The following TMEM222 variants were observed in gnomAD, a reference collection of about 807,000 sequenced individuals.
The protein encoded by TMEM222 is transmembrane protein 222, also known as chromosome 1 open reading frame 160.
In TMEM222, 18 loss-of-function variants were observed where a neutral mutation model predicts 25.1. The ratio of observed to expected loss-of-function variants is 0.72; its 90% CI spans 0.50 to 1.06. The LOEUF is 1.06. Ranked by LOEUF, TMEM222 falls within the 50% of genes least tolerant of loss-of-function variation. TMEM222 has a pLI of 0.00. For synonymous variants in TMEM222, 131 were observed against 117.9 expected (o/e 1.11, Z -0.72); for missense variants, 296 against 293.7 (o/e 1.01, Z -0.06).
At chr1:27,326,296 G>A (rs2014348364) in intron 1 of TMEM222, among the ~76,000 whole-genome samples, 1 of 152,202 alleles carries the variant, frequency 6.6e-6, no homozygotes, top group African/African-American at 2.4e-5. Flanking sequence ...CTTAGCTGAT[G>A]TTTTCCTGCC....
intron 1 of TMEM222, among the ~76,000 whole-genome samples, chr1:27,323,195 G>A (rs1214742422): frequency 6.6e-6 from 1 of 152,210 alleles, no homozygotes; most frequent in Non-Finnish European, 1.5e-5. Context: ...TGAGCTGCTT[G>A]TAGCATTAAG....
intron 1 of TMEM222, among the ~76,000 whole-genome samples, chr1:27,326,433 G>C (rs2014352682): frequency 6.6e-6 from 1 of 152,076 alleles, no homozygotes; most frequent in Admixed American, 6.6e-5. Context: ...TTAAGGAGAT[G>C]AGAACAGATT....
chr1:27,333,911 G>C, intron 3 of TMEM222, 47 bp from the exon 4 acceptor site: 1 of 1,570,738 alleles, frequency 6.4e-7, no homozygotes, highest in Non-Finnish European at 8.7e-7. Flanking sequence ...TAGAGCTGAG[G>C]GCACAAAGGA....
Position 27,322,246 on chromosome 1 carries a change from C to A in TMEM222, c.49C>A (p.Pro17Thr). The A allele has an allele frequency of 2.7e-6, 4 of 1,488,034 alleles. No individual in the cohort carries two copies. Among genetic ancestry groups the A allele is most frequent in the Non-Finnish European group, 3.6e-6 (4 of 1,114,030 alleles). 92.2% of individuals were successfully genotyped at this position (1,488,034 alleles called of 1,614,324 possible). Residue 17 changes from proline to threonine, a missense_variant, in exon 1 of 6, where the codon CCC becomes ACC. By Grantham distance (38) the Pro-to-Thr change is conservative (BLOSUM62 -1). Coordinates refer to ENST00000374076, the MANE Select transcript of TMEM222 (RefSeq NM_032125.3). ...SSLLLLPPPPPPPRMAEVEAP... is the reference protein window; with the variant it reads ...SSLLLLPPPPTPPRMAEVEAP... ...TCTGCTCTTGTTGCCGCCGCCGCCA[C>A]CCCCGCCCAGGATGGCGGAAGTGGA...
chr1:27,333,504 T>TGCACCCAG (rs2014531120), intron 3 of TMEM222: 1 of 458,542 alleles, frequency 2.2e-6, no homozygotes, highest in African/African-American at 2.0e-5. Context: ...GTGCGGGTGC[T>TGCACCCAG]GGTAGAGTCA....
At chr1:27,333,409 CTGCCA>C (rs763135886) in intron 3 of TMEM222, 110 of 471,106 alleles carry the variant, frequency 2.3e-4, no homozygotes, top group Non-Finnish European at 4.3e-4. Context: ...TCCGTTCTGG[CTGCCA>C]TAACAAAATC....
chr1:27,334,410 G>C (rs967479964), intron 5 of TMEM222, 129 bp downstream of exon 5: 36 of 1,449,614 alleles, frequency 2.5e-5, no homozygotes, highest in Non-Finnish European at 3.0e-5. Context: ...TTGGAGCCGT[G>C]GTGGTTCTAG....
chr1:27,324,225 G>A lies in TMEM222; in HGVS notation c.194+1834G>A, dbSNP rs780281709. 3.3e-5 allele frequency among the ~76,000 whole-genome samples: 5 copies of A among 152,190 alleles called. No individual in the cohort carries two copies. The South Asian group carries it at 6.2e-4, about 19-fold the overall frequency. On this transcript the variant is annotated intron_variant, in intron 1 of 5. Coordinates refer to ENST00000374076, the MANE Select transcript of TMEM222 (RefSeq NM_032125.3). ...TGTAATCCCAGCTACTCAGGAGGCCGAGGCAGGAGAATCACTTGAACCCGG... is the reference window on the plus strand; with the variant it reads ...TGTAATCCCAGCTACTCAGGAGGCCAAGGCAGGAGAATCACTTGAACCCGG...
chr1:27,335,488 C>A lies in TMEM222; in HGVS notation c.*22C>A. 1 of 1,611,056 alleles carries A rather than the reference C, an allele frequency of 6.2e-7. No individual in the cohort carries two copies. Among genetic ancestry groups the A allele is most frequent in the African/African-American group, 1.3e-5 (1 of 75,000 alleles). ...GTGATGGCTGCTCGGTGGCCCCACA[C>A]CCACCAGGGTCCCGAGGAAACAGCC... is the stretch of plus-strand genomic sequence containing the variant. On this transcript the variant is annotated 3_prime_UTR_variant, in exon 6 of 6. Transcript: ENST00000374076.
intron 5 of TMEM222, 132 bp from the exon 6 acceptor site, chr1:27,335,247 T>A: frequency 1.2e-6 from 1 of 838,490 alleles, no homozygotes; most frequent in Non-Finnish European, 2.0e-6. Flanking sequence ...TGGCCAAGTT[T>A]GGGGTGAGGG....
intron 2 of TMEM222, 88 bp from the exon 3 acceptor site, chr1:27,331,981 TA>T: frequency 9.1e-7 from 1 of 1,104,216 alleles, no homozygotes; most frequent in Non-Finnish European, 1.4e-6. Context: ...TACCCTCTTC[TA>T]AGTCACTGCA....
chr1:27,325,415 C>T, intron 1 of TMEM222: 1 of 1,129,148 alleles, frequency 8.9e-7, no homozygotes, highest in Non-Finnish European at 1.3e-6. Flanking sequence ...AGGTCATCAC[C>T]ATCAGCAACA....
In TMEM222 at chr1:27,333,985, C is replaced by G; in HGVS notation, c.339C>G (p.Val113=). The change falls in exon 4 of 6, where the codon GTC becomes GTG. Residue 113 remains valine, a synonymous_variant. Coordinates refer to ENST00000374076, the MANE Select transcript of TMEM222 (RefSeq NM_032125.3). ...AKYWKLDPAQ[V]YASGPNAWDT... ...ACTGGAAGTTGGACCCTGCTCAGGT[C>G]TATGCTAGCGGGCCCAACGCATGGG... The G allele has an allele frequency of 6.2e-7, 1 of 1,614,174 alleles. No homozygotes were observed. The highest frequency in any genetic ancestry group is 8.5e-7 in the Non-Finnish European group (1 of 1,180,016).
chr1:27,329,467 C>G (rs2014429066), intron 1 of TMEM222, among the ~76,000 whole-genome samples: 1 of 152,134 alleles, frequency 6.6e-6, no homozygotes, highest in Admixed American at 6.5e-5. Context: ...AAACAGAGTG[C>G]TATGTTACGT....
In TMEM222 at chr1:27,332,493, A is replaced by G. The variant is rs1326452120; in HGVS notation, c.311+392A>G. ...GAACAAATGAGGCATGGAAGGTAGAAGAGAGGCATTGTTTGGAGCTCTGCT... is the reference window on the plus strand; with the variant it reads ...GAACAAATGAGGCATGGAAGGTAGAGGAGAGGCATTGTTTGGAGCTCTGCT... On this transcript the variant is annotated intron_variant, in intron 3 of 5. Coordinates refer to ENST00000374076, the MANE Select transcript of TMEM222 (RefSeq NM_032125.3). 4.2e-6 allele frequency: 3 copies of G among 718,214 alleles called. 1 individual carries two copies. The South Asian group carries it at 4.4e-5, about 11-fold the overall frequency. The allele number at this position is 718,214 out of a possible 1,614,324, so 44.5% of individuals were successfully genotyped here. A position where few individuals can be genotyped will look rare whatever the true frequency, so the allele number is the denominator to read the frequency against.
In TMEM222 at chr1:27,322,361, G is replaced by C; in HGVS notation, c.164G>C (p.Cys55Ser). Reference protein sequence around the residue: ...MDVERSRFPYCVVWTPIPVLT... With the variant: ...MDVERSRFPYSVVWTPIPVLT... ...GTGGAACGGAGTCGCTTCCCCTACT[G>C]CGTGGTGTGGACGCCCATCCCGGTG... Residue 55 changes from cysteine to serine, a missense_variant, in exon 1 of 6, where the codon TGC (cysteine) becomes TCC (serine). Transcript: ENST00000374076. 6.7e-7 allele frequency: 1 copy of C among 1,493,968 alleles called. No homozygotes were observed. The highest frequency in any genetic ancestry group is 9.0e-7 in the Non-Finnish European group (1 of 1,112,130). 92.5% of individuals were successfully genotyped at this position (1,493,968 alleles called of 1,614,324 possible). A position where few individuals can be genotyped will look rare whatever the true frequency, so the allele number is the denominator to read the frequency against.
intron 3 of TMEM222, 74 bp from the exon 4 acceptor site, chr1:27,333,884 G>T: frequency 7.3e-7 from 1 of 1,369,256 alleles, no homozygotes; most frequent in Non-Finnish European, 1.0e-6. Context: ...CACAGGGCAG[G>T]CCTCAGAGGA....
rs2014544272 is a variant in TMEM222, at chr1:27,334,006, A to G, written c.360A>G (p.Ala120=). 7 of 1,614,030 alleles carry G rather than the reference A, an allele frequency of 4.3e-6. No homozygotes were observed. The highest frequency in any genetic ancestry group is 1.7e-5 in the Admixed American group (1 of 60,004). Residue 120 remains alanine (A), a synonymous_variant, in exon 4 of 6, where the codon GCA becomes GCG. Coordinates refer to ENST00000374076, the MANE Select transcript of TMEM222 (RefSeq NM_032125.3). The stretch of plus-strand genomic sequence containing the variant: ...AGGTCTATGCTAGCGGGCCCAACGC[A>G]TGGGACACGGCTGTGCACGACGCCT... ...PAQVYASGPN[A]WDTAVHDASE...
At chr1:27,333,650 C>T in intron 3 of TMEM222, 1 of 422,600 alleles carries the variant, frequency 2.4e-6, no homozygotes, top group Non-Finnish European at 4.5e-6. Flanking sequence ...CTAATCACCT[C>T]CCAAAGGCCC....
Sources: gnomAD v4.1 joint callset for allele counts (sites outside exome capture counted in the v4.1 genomes callset) on GRCh38, gnomAD v4.1.1 for gene constraint, MANE v1.5 for transcripts, NCBI Gene and HGNC (gene_info 2026-07-23, HGNC 2026-07-21) for gene names.